Variants in SLC4A10 observed in about 807,000 individuals in gnomAD.
SLC4A10 encodes sodium-driven chloride bicarbonate exchanger.
Under a neutral mutation model 137.7 loss-of-function variants are expected in SLC4A10, and 42 were observed. That is an observed-to-expected ratio of 0.30 (90% CI 0.24 to 0.39). The LOEUF (loss-of-function observed/expected upper bound fraction) is 0.39, where lower values mean the gene tolerates loss of function less well. Among genes scored for constraint, SLC4A10 ranks in the 10% least tolerant of loss-of-function variants. The pLI, the probability that SLC4A10 is intolerant of heterozygous loss-of-function variation, is 1.00. For synonymous variants in SLC4A10, 474 were observed against 464.1 expected (o/e 1.02, Z -0.27); for missense variants, 925 against 1,355.0 (o/e 0.68, Z 4.98).
At chr2:161,849,577 C>T (rs2059704226) in intron 4 of SLC4A10, among the ~76,000 whole-genome samples, 1 of 152,076 alleles carries the variant, frequency 6.6e-6, no homozygotes, top group South Asian at 2.1e-4. Context: ...TGTACACCTT[C>T]AATGCCTAGT....
intron 24 of SLC4A10, among the ~76,000 whole-genome samples, chr2:161,974,833 A>G (rs1395754957): frequency 2.0e-5 from 3 of 152,218 alleles, no homozygotes; most frequent in African/African-American, 7.2e-5. Context: ...ATAGCAAAAG[A>G]AAGCAAACTA....
At position 161,657,660 on chromosome 2, in the gene SLC4A10, A is replaced by G. The variant is rs193252358; in HGVS notation, c.48+33094A>G. ...ACAATGATGGGTCTTTATGATAGAT[A>G]TGATAAATTTGTTAAAGCTGTTTCT... On this transcript the variant is annotated intron_variant, in intron 1 of 26. Coordinates refer to ENST00000446997, the MANE Select transcript of SLC4A10 (RefSeq NM_001178015.2). 2.3e-4 allele frequency among the ~76,000 whole-genome samples: 35 copies of G among 152,196 alleles called. 1 individual carries two copies. In the East Asian group the frequency reaches 6.6e-3, roughly 29 times the overall value.
intron 8 of SLC4A10, among the ~76,000 whole-genome samples, chr2:161,874,955 A>G (rs1446153216): frequency 1.3e-5 from 2 of 152,198 alleles, no homozygotes; most frequent in African/African-American, 4.8e-5. Flanking sequence ...TAGTGTGGTT[A>G]TTAGTAGTAG....
At chr2:161,718,280 G>T (rs906451119) in intron 1 of SLC4A10, among the ~76,000 whole-genome samples, 2 of 151,470 alleles carry the variant, frequency 1.3e-5, no homozygotes, top group African/African-American at 4.9e-5. Flanking sequence ...GGGTTTTTTT[G>T]TGTGTCTCTC....
At chr2:161,719,614 T>A (rs1333035377) in intron 1 of SLC4A10, among the ~76,000 whole-genome samples, 1 of 152,226 alleles carries the variant, frequency 6.6e-6, no homozygotes, top group Non-Finnish European at 1.5e-5. Flanking sequence ...TGAGATGGTA[T>A]CTCATTGTGG....
intron 2 of SLC4A10, among the ~76,000 whole-genome samples, chr2:161,782,335 A>C (rs2053127313): frequency 6.6e-6 from 1 of 152,050 alleles, no homozygotes; most frequent in Non-Finnish European, 1.5e-5. Flanking sequence ...ATGAGGTTTA[A>C]GAAGCTTTAG....
At chr2:161,881,621 T>G (rs1350621254) in intron 9 of SLC4A10, among the ~76,000 whole-genome samples, 4 of 151,990 alleles carry the variant, frequency 2.6e-5, no homozygotes, top group Non-Finnish European at 4.4e-5. Flanking sequence ...TATAGGGCAT[T>G]CTTTAATTTT....
intron 26 of SLC4A10, among the ~76,000 whole-genome samples, chr2:161,978,398 A>AAAAG (rs1553652492): frequency 2.0e-5 from 3 of 148,434 alleles, no homozygotes; most frequent in Admixed American, 6.6e-5. Context: ...AAAAAAAAAA[A>AAAAG]AAAGAAAAGA....
intron 23 of SLC4A10, among the ~76,000 whole-genome samples, chr2:161,970,696 T>TG (rs1698374734): frequency 6.6e-6 from 1 of 152,228 alleles, no homozygotes; most frequent in Admixed American, 6.5e-5. Flanking sequence ...TGGATGTAGT[T>TG]GTAAATGAAC....
chr2:161,747,686 A>C (rs1245565242), intron 1 of SLC4A10, among the ~76,000 whole-genome samples: 2 of 151,892 alleles, frequency 1.3e-5, no homozygotes, highest in South Asian at 4.2e-4. Flanking sequence ...TTATTCTGTT[A>C]TTCTATTTCT....
At chr2:161,831,852 C>T (rs1001010530) in intron 3 of SLC4A10, among the ~76,000 whole-genome samples, 1 of 152,056 alleles carries the variant, frequency 6.6e-6, no homozygotes, top group Non-Finnish European at 1.5e-5. Context: ...CTTTCTTTTT[C>T]TGAGAGTGAT....
chr2:161,719,549 C>T (rs2045370805), intron 1 of SLC4A10, among the ~76,000 whole-genome samples: 1 of 152,056 alleles, frequency 6.6e-6, no homozygotes, highest in Non-Finnish European at 1.5e-5. Flanking sequence ...TTCTCTACAT[C>T]CTCTCCAGCA....
chr2:161,655,263 T>G (rs2037350183), intron 1 of SLC4A10, among the ~76,000 whole-genome samples: 1 of 152,174 alleles, frequency 6.6e-6, no homozygotes. Flanking sequence ...AGTTTTTTGG[T>G]GGGATATTTA....
At chr2:161,695,918 A>AT (rs1290972858) in intron 1 of SLC4A10, among the ~76,000 whole-genome samples, 2 of 151,912 alleles carry the variant, frequency 1.3e-5, no homozygotes, top group Non-Finnish European at 2.9e-5. Context: ...TTTCTTTTTT[A>AT]TTTTTTTATT....
At chr2:161,637,136 C>T (rs1475584200) in intron 1 of SLC4A10, among the ~76,000 whole-genome samples, 10 of 138,908 alleles carry the variant, frequency 7.2e-5, no homozygotes, top group East Asian at 2.2e-4. Context: ...TACATAAATA[C>T]GTATTTATGT....
intron 4 of SLC4A10, among the ~76,000 whole-genome samples, chr2:161,851,334 T>C (rs2059819733): frequency 6.6e-6 from 1 of 152,194 alleles, no homozygotes; most frequent in Non-Finnish European, 1.5e-5. Context: ...ATGATTATAT[T>C]GCCATTATCT....
chr2:161,956,879 A>G (rs1695764164), intron 19 of SLC4A10, 110 bp from the exon 20 acceptor site: 1 of 1,204,654 alleles, frequency 8.3e-7, no homozygotes, highest in Non-Finnish European at 1.1e-6. Flanking sequence ...GAGATCTGAT[A>G]TGAAGGGCTT....
rs2061614042 is a variant in SLC4A10 at position 161,879,302 on chromosome 2, A to G, written c.1106+14A>G. 1 of 1,592,422 alleles carries G rather than the reference A, an allele frequency of 6.3e-7. No homozygotes were observed. The highest frequency in any genetic ancestry group is 1.4e-5 in the African/African-American group (1 of 74,022). On this transcript the variant is annotated intron_variant, in intron 9 of 26. Transcript: ENST00000446997. ...AATCCCAACCAGGTAAAAAGTATAA[A>G]AGCGTCTTTTGTATTTTTCTTAAAC...
intron 1 of SLC4A10, 72 bp downstream of exon 1, chr2:161,624,638 G>C: frequency 3.9e-6 from 6 of 1,546,264 alleles, no homozygotes; most frequent in Non-Finnish European, 5.2e-6. Flanking sequence ...CGGTCTGCTA[G>C]CTAGGTGCAG....
Sources: allele counts gnomAD v4.1 joint callset (sites outside exome capture counted in the v4.1 genomes callset), GRCh38; gene constraint gnomAD v4.1.1; transcripts MANE v1.5; gene names NCBI Gene and HGNC (gene_info 2026-07-23, HGNC 2026-07-21).